The following GRXCR1 variants were observed in gnomAD, a reference collection of about 807,000 sequenced individuals.
GRXCR1 encodes glutaredoxin and cysteine rich domain containing 1, also known as glutaredoxin domain-containing cysteine-rich protein 1.
In GRXCR1, 27 loss-of-function variants were observed where a neutral mutation model predicts 27.3. The ratio of observed to expected loss-of-function variants is 0.99; its 90% CI spans 0.73 to 1.37. The LOEUF is 1.37. Ranked by LOEUF, GRXCR1 falls within the 40% of genes most tolerant of loss-of-function variation. The pLI, the probability that GRXCR1 is intolerant of heterozygous loss-of-function variation, is 0.00. For missense variants in GRXCR1, 379 were observed against 354.4 expected (o/e 1.07, Z -0.56); for synonymous variants, 122 against 131.1 (o/e 0.93, Z 0.47).
chr4:43,011,167 G>A (rs989216226), intron 2 of GRXCR1, among the ~76,000 whole-genome samples: 2 of 152,102 alleles, frequency 1.3e-5, no homozygotes, highest in African/African-American at 4.8e-5. Flanking sequence ...AGCAGGGATC[G>A]ACCACAAAAG....
intron 3 of GRXCR1, among the ~76,000 whole-genome samples, chr4:43,025,417 A>T (rs1161372262): frequency 6.6e-6 from 1 of 152,230 alleles, no homozygotes; most frequent in African/African-American, 2.4e-5. Flanking sequence ...TGAATAAGTA[A>T]AAGGTCTCAC....
At chr4:43,001,149 C>A (rs1028302046) in intron 2 of GRXCR1, among the ~76,000 whole-genome samples, 2 of 149,570 alleles carry the variant, frequency 1.3e-5, no homozygotes, top group South Asian at 4.3e-4. Flanking sequence ...CAACTTCTAT[C>A]TTTTAAAGAC....
At chr4:42,918,342 T>G (rs893593545) in intron 1 of GRXCR1, among the ~76,000 whole-genome samples, 1 of 152,166 alleles carries the variant, frequency 6.6e-6, no homozygotes, top group East Asian at 1.9e-4. Flanking sequence ...CTAGCACTGT[T>G]GCGTTGGTGA....
At chr4:42,951,335 C>T (rs1294485193) in intron 1 of GRXCR1, among the ~76,000 whole-genome samples, 1 of 152,172 alleles carries the variant, frequency 6.6e-6, no homozygotes, top group East Asian at 1.9e-4. Flanking sequence ...CCCTCACAGA[C>T]ATACCCAGAG....
intron 1 of GRXCR1, among the ~76,000 whole-genome samples, chr4:42,909,278 C>A (rs146917830): frequency 3.9e-5 from 6 of 151,968 alleles, no homozygotes; most frequent in Non-Finnish European, 8.8e-5. Flanking sequence ...GTTATTAAAC[C>A]CTTGACAGTT....
At chr4:42,931,658 T>C (rs1313765201) in intron 1 of GRXCR1, among the ~76,000 whole-genome samples, 1 of 151,962 alleles carries the variant, frequency 6.6e-6, no homozygotes, top group Non-Finnish European at 1.5e-5. Flanking sequence ...GAAATACGTA[T>C]ACGTTGTGAA....
chr4:42,901,419 G>A (rs552746437), intron 1 of GRXCR1, among the ~76,000 whole-genome samples: 2 of 152,202 alleles, frequency 1.3e-5, no homozygotes, highest in East Asian at 3.9e-4. Context: ...GCATTTCTCA[G>A]CTTCCAAAGG....
intron 1 of GRXCR1, among the ~76,000 whole-genome samples, chr4:42,904,569 T>G (rs1005428796): frequency 6.6e-6 from 1 of 152,336 alleles, no homozygotes; most frequent in South Asian, 2.1e-4. Flanking sequence ...TGTACTTATC[T>G]TCTATAAATC....
intron 2 of GRXCR1, among the ~76,000 whole-genome samples, chr4:43,004,530 C>A (rs1712490285): frequency 6.6e-6 from 1 of 152,214 alleles, no homozygotes; most frequent in Non-Finnish European, 1.5e-5. Flanking sequence ...CCCATGAAAT[C>A]ATCTGTGGGG....
At chr4:42,970,682 T>C (rs968987273) in intron 2 of GRXCR1, among the ~76,000 whole-genome samples, 1 of 152,270 alleles carries the variant, frequency 6.6e-6, no homozygotes, top group East Asian at 1.9e-4. Context: ...TATTTTTTCC[T>C]CCTAGGCCTC....
chr4:42,986,732 A>T (rs1489445463), intron 2 of GRXCR1, among the ~76,000 whole-genome samples: 4 of 152,104 alleles, frequency 2.6e-5, no homozygotes, highest in Admixed American at 6.5e-5. Context: ...TATTTTCAGG[A>T]ATTTTATCTT....
chr4:42,963,023 GA>G lies in GRXCR1; in HGVS notation c.521del (p.Asn174ThrfsTer2). On this transcript the variant is annotated frameshift_variant, in exon 2 of 4. Coordinates refer to ENST00000399770, the MANE Select transcript of GRXCR1 (RefSeq NM_001080476.3). LOFTEE classifies it high-confidence loss of function. ...FQNHRVKFEE[K>X]NIALNGEYGK... ...AAAACCATCGCGTAAAATTTGAAGA[GA>G]AAAACATAGCCCTGAATGGTGAATA... 2 of 1,612,838 alleles carry G rather than the reference GA, an allele frequency of 1.2e-6. No individual in the cohort carries two copies. Among genetic ancestry groups the G allele is most frequent in the South Asian group, 1.1e-5 (1 of 91,066 alleles).
At chr4:42,905,565 AC>A (rs1746569267) in intron 1 of GRXCR1, among the ~76,000 whole-genome samples, 1 of 152,144 alleles carries the variant, frequency 6.6e-6, no homozygotes, top group South Asian at 2.1e-4. Context: ...ATGATAAAGG[AC>A]CCAGACGTTT....
At chr4:42,968,738 C>T (rs1412827157) in intron 2 of GRXCR1, among the ~76,000 whole-genome samples, 4 of 151,968 alleles carry the variant, frequency 2.6e-5, no homozygotes, top group Non-Finnish European at 4.4e-5. Context: ...AAAAAAGTAC[C>T]TCCTTCTTAA....
At chr4:42,990,942 G>C (rs1365514326) in intron 2 of GRXCR1, among the ~76,000 whole-genome samples, 1 of 151,886 alleles carries the variant, frequency 6.6e-6, no homozygotes, top group Non-Finnish European at 1.5e-5. Flanking sequence ...AAATACATAT[G>C]GTAAGCTCTT....
At chr4:42,924,599 C>A (rs568643372) in intron 1 of GRXCR1, among the ~76,000 whole-genome samples, 1 of 152,008 alleles carries the variant, frequency 6.6e-6, no homozygotes, top group Non-Finnish European at 1.5e-5. Context: ...CTTTACTTAA[C>A]AAAAATGTTT....
chr4:42,928,382 T>G (rs1747219721), intron 1 of GRXCR1, among the ~76,000 whole-genome samples: 1 of 152,020 alleles, frequency 6.6e-6, no homozygotes, highest in Non-Finnish European at 1.5e-5. Context: ...GGAAGCTTGG[T>G]TCCTTATGTC....
At chr4:42,904,014 G>A (rs569253961) in intron 1 of GRXCR1, among the ~76,000 whole-genome samples, 53 of 152,274 alleles carry the variant, frequency 3.5e-4, no homozygotes, top group African/African-American at 1.1e-3. Context: ...TGTTTCTAAA[G>A]CAGATTAAAA....
At chr4:42,901,903 A>G (rs1746470095) in intron 1 of GRXCR1, among the ~76,000 whole-genome samples, 1 of 152,216 alleles carries the variant, frequency 6.6e-6, no homozygotes, top group Admixed American at 6.5e-5. Flanking sequence ...AATATGGCAC[A>G]ATCAAAGTAT....
Sources: gnomAD v4.1 joint callset for allele counts (sites outside exome capture counted in the v4.1 genomes callset) on GRCh38, gnomAD v4.1.1 for gene constraint, MANE v1.5 for transcripts, NCBI Gene and HGNC (gene_info 2026-07-23, HGNC 2026-07-21) for gene names.